CEP68: variants seen among roughly 807,000 people sequenced by gnomAD.
CEP68 encodes centrosomal protein of 68 kDa.
CEP68 carries 26 observed loss-of-function variants against 55.3 expected under a neutral mutation model. The ratio of observed to expected loss-of-function variants is 0.47; its 90% CI spans 0.34 to 0.65. The LOEUF (loss-of-function observed/expected upper bound fraction) is 0.65. CEP68 is among the 30% of genes least tolerant of loss of function. The probability of loss-of-function intolerance (pLI) is 0.01; values close to 1 mark genes in which losing one functional copy is unlikely to be tolerated. For synonymous variants in CEP68, 402 were observed against 383.2 expected (o/e 1.05, Z -0.57); for missense variants, 957 against 946.7 (o/e 1.01, Z -0.14).
rs1676795028 is a variant in CEP68 at position 65,076,994 on chromosome 2, CCTTTTT to C, written c.2008-873_2008-868del. On this transcript the variant is annotated intron_variant, in intron 4 of 6. Transcript: ENST00000377990. ...AAGGGTGGTCATGGATTTGACTTTA[CCTTTTT>C]TTTTTTTTTTTTTTGAGACGGAGCC... Among the ~76,000 whole-genome samples, 9 of 51,624 alleles carry C rather than the reference CCTTTTT, an allele frequency of 1.7e-4. 1 individual carries two copies. The South Asian group carries it at 5.2e-3, about 30-fold the overall frequency. 33.9% of individuals were successfully genotyped at this position (51,624 alleles called of 152,430 possible).
intron 1 of CEP68, among the ~76,000 whole-genome samples, chr2:65,064,596 C>T (rs538097435): frequency 4.6e-5 from 7 of 151,782 alleles, no homozygotes; most frequent in Non-Finnish European, 8.8e-5. Flanking sequence ...TAGCTGGGTG[C>T]GGTGGTGGGC....
At chr2:65,063,485 A>C (rs922293560) in intron 1 of CEP68, among the ~76,000 whole-genome samples, 6 of 152,248 alleles carry the variant, frequency 3.9e-5, no homozygotes, top group African/African-American at 1.4e-4. Context: ...GAGGCCCCAC[A>C]TTAGGAAATT....
rs996449008 is a variant in CEP68 at position 65,083,886 on chromosome 2, T to C, written c.*252T>C. 2.0e-5 allele frequency: 3 copies of C among 152,186 alleles called. No individual in the cohort carries two copies. Among genetic ancestry groups the C allele is most frequent in the African/African-American group, 7.2e-5 (3 of 41,448 alleles). 9.4% of individuals were successfully genotyped at this position (152,186 alleles called of 1,614,324 possible). A position where few individuals can be genotyped will look rare whatever the true frequency, so the allele number is the denominator to read the frequency against. On this transcript the variant is annotated 3_prime_UTR_variant, in exon 7 of 7. Coordinates refer to ENST00000377990, the MANE Select transcript of CEP68 (RefSeq NM_015147.3). ...CCACAAAGAGCGTGTAGCTTTGCAA[T>C]TTTTGATAAAATAAGACGTGTTGCC...
intron 2 of CEP68, 63 bp from the exon 3 acceptor site, chr2:65,071,391 A>G (rs993676942): frequency 7.2e-7 from 1 of 1,391,866 alleles, no homozygotes; most frequent in Non-Finnish European, 1.0e-6. Context: ...CTGGGTTGTC[A>G]TCTAAGAAAG....
intron 4 of CEP68, among the ~76,000 whole-genome samples, chr2:65,075,718 A>G (rs1364576569): frequency 1.3e-5 from 2 of 152,186 alleles, no homozygotes; most frequent in Admixed American, 1.3e-4. Flanking sequence ...GCACCTTTCT[A>G]ATCTCTTCAT....
chr2:65,061,845 A>G (rs1436277561), intron 1 of CEP68, among the ~76,000 whole-genome samples: 6 of 152,120 alleles, frequency 3.9e-5, no homozygotes, highest in African/African-American at 1.4e-4. Context: ...GTGACCTCCC[A>G]TGCCTGCTTG....
chr2:65,074,157 A>T, intron 3 of CEP68, 125 bp from the exon 4 acceptor site: 1 of 1,143,990 alleles, frequency 8.7e-7, no homozygotes, highest in East Asian at 2.4e-5. Context: ...CAGGTGAGCA[A>T]GGAGGAGAGA....
Position 65,072,839 on chromosome 2 carries a change from G to A in CEP68, c.1743G>A (p.Gly581=). 1.2e-6 allele frequency: 2 copies of A among 1,614,150 alleles called. No individual in the cohort carries two copies. Among genetic ancestry groups the A allele is most frequent in the South Asian group, 2.2e-5 (2 of 91,074 alleles). The change falls in exon 3 of 7, where the codon GGG becomes GGA. Residue 581 remains glycine, a synonymous_variant. Transcript: ENST00000377990. ...GTCTGGGGAGCAGCCAGGCCCTCGGGGTCTCCTCTGGACTGCTGAAAACAC... is the reference window on the plus strand; with the variant it reads ...GTCTGGGGAGCAGCCAGGCCCTCGGAGTCTCCTCTGGACTGCTGAAAACAC... ...EGSLGSSQAL[G]VSSGLLKTRP... is the part of the protein sequence containing the mutation.
chr2:65,073,091 C>A, intron 3 of CEP68, 111 bp downstream of exon 3: 1 of 1,148,138 alleles, frequency 8.7e-7, no homozygotes, highest in South Asian at 1.3e-5. Flanking sequence ...TTTTTATGTG[C>A]CAGGCATTGT....
chr2:65,061,149 G>A lies in CEP68; in HGVS notation c.-47+4621G>A, dbSNP rs374829560. On this transcript the variant is annotated intron_variant, in intron 1 of 6. Transcript: ENST00000377990. ...ATAGCACCACTGCACTCCAGCCTGG[G>A]CAACACAGCAAGACTCCATCTCAAA... Among the ~76,000 whole-genome samples the A allele has an allele frequency of 4.6e-5, 7 of 151,976 alleles. No individual in the cohort carries two copies. The East Asian group carries it at 1.3e-3, about 29-fold the overall frequency.
At chr2:65,059,781 C>G (rs538249900) in intron 1 of CEP68, among the ~76,000 whole-genome samples, 17 of 152,302 alleles carry the variant, frequency 1.1e-4, no homozygotes, top group African/African-American at 3.1e-4. Context: ...TGCAGGTTCT[C>G]ATTCCAAGGT....
intron 1 of CEP68, among the ~76,000 whole-genome samples, chr2:65,061,433 C>T (rs541067209): frequency 1.3e-5 from 2 of 152,342 alleles, no homozygotes; most frequent in African/African-American, 4.8e-5. Context: ...CAGAAGCAGC[C>T]CTGGGGAGAA....
intron 3 of CEP68, 25 bp from the exon 4 acceptor site, chr2:65,074,257 T>C: frequency 2.5e-6 from 4 of 1,613,154 alleles, no homozygotes; most frequent in South Asian, 1.1e-5. Context: ...AGTAACACCA[T>C]GTGTCCTTTT....
chr2:65,068,681 G>T (rs1271147699), intron 1 of CEP68, among the ~76,000 whole-genome samples: 1 of 152,072 alleles, frequency 6.6e-6, no homozygotes, highest in East Asian at 1.9e-4. Context: ...AGAAAAATTA[G>T]CCAGGCGTGG....
intron 1 of CEP68, among the ~76,000 whole-genome samples, chr2:65,066,758 A>G (rs1676204792): frequency 9.2e-6 from 1 of 108,780 alleles, no homozygotes; most frequent in Non-Finnish European, 1.8e-5. Flanking sequence ...ATATATATAT[A>G]TATATATATA....
At chr2:65,078,686 C>T (rs1456617055) in intron 5 of CEP68, among the ~76,000 whole-genome samples, 2 of 152,150 alleles carry the variant, frequency 1.3e-5, no homozygotes, top group Admixed American at 1.3e-4. Flanking sequence ...GGATTACAGG[C>T]ATGCGCCACC....
In CEP68 at chr2:65,083,820, A is replaced by G. The variant is rs1213829045; in HGVS notation, c.*186A>G. The G allele has an allele frequency of 6.6e-6, 1 of 152,212 alleles. No homozygotes were observed. Among genetic ancestry groups the G allele is most frequent in the Non-Finnish European group, 1.5e-5 (1 of 68,034 alleles). 9.4% of individuals were successfully genotyped at this position (152,212 alleles called of 1,614,324 possible). ...GGGCTGAGTTACTATTTTTATTTAC[A>G]ATGAATCCTTCCAAACTAAGGTTTT... On this transcript the variant is annotated 3_prime_UTR_variant, in exon 7 of 7. Coordinates refer to ENST00000377990, the MANE Select transcript of CEP68 (RefSeq NM_015147.3).
chr2:65,069,935 T>C (rs1404080251), intron 2 of CEP68, 134 bp downstream of exon 2: 2 of 860,328 alleles, frequency 2.3e-6, no homozygotes, highest in Non-Finnish European at 3.7e-6. Flanking sequence ...AGTATGATGA[T>C]TTCTGTTTTG....
chr2:65,076,997 T>TAC (rs1387213019), intron 4 of CEP68, among the ~76,000 whole-genome samples: 1 of 40,124 alleles, frequency 2.5e-5, no homozygotes, highest in African/African-American at 1.3e-4. Context: ...GACTTTACCT[T>TAC]TTTTTTTTTT....
Sources: gnomAD v4.1 joint callset for allele counts (sites outside exome capture counted in the v4.1 genomes callset) on GRCh38, gnomAD v4.1.1 for gene constraint, MANE v1.5 for transcripts, NCBI Gene and HGNC (gene_info 2026-07-23, HGNC 2026-07-21) for gene names.